The following RPRD2 variants were observed in gnomAD, a reference collection of about 807,000 sequenced individuals.
The protein encoded by RPRD2 is regulation of nuclear pre-mRNA domain containing 2.
A neutral mutation model predicts 104.4 loss-of-function variants in RPRD2; 12 were observed. The observed-to-expected ratio is 0.11, with a 90% CI of 0.07 to 0.19. The LOEUF (loss-of-function observed/expected upper bound fraction) is 0.19. RPRD2 is among the 10% of genes least tolerant of loss of function. RPRD2 has a pLI of 1.00. For synonymous variants in RPRD2, 714 were observed against 684.9 expected, an observed-to-expected ratio of 1.04 and a Z score of -0.66; for missense variants, 1,543 against 1,790.1, an observed-to-expected ratio of 0.86 and a Z score of 2.49.
intron 7 of RPRD2, among the ~76,000 whole-genome samples, chr1:150,446,832 T>TA (rs1666806368): frequency 1.8e-5 from 2 of 110,008 alleles, no homozygotes; most frequent in Non-Finnish European, 3.9e-5. Flanking sequence ...AAGACCTGGG[T>TA]CTTTTTTTTT....
At chr1:150,464,764 T>A in intron 10 of RPRD2, 37 bp downstream of exon 10, 1 of 1,504,200 alleles carries the variant, frequency 6.6e-7, no homozygotes, top group Non-Finnish European at 9.2e-7. Context: ...GAATTGTGAA[T>A]GTTTGTCTCT....
Position 150,472,896 on chromosome 1 carries a change from A to G in RPRD2, c.3948A>G (p.Gly1316=), listed in dbSNP as rs1398672997. The change falls in exon 11 of 11, where the codon GGA becomes GGG. Residue 1316 remains glycine, a synonymous_variant. Coordinates refer to ENST00000369068, the MANE Select transcript of RPRD2 (RefSeq NM_015203.5). The part of the protein sequence containing the change: ...PFPAPPLAEH[G]VAGAVAVFPK... Reference sequence around the variant, plus strand: ...CAGCCCCACCACTGGCAGAGCACGGAGTGGCAGGGGCTGTGGCAGTATTTC... The same window carrying G: ...CAGCCCCACCACTGGCAGAGCACGGGGTGGCAGGGGCTGTGGCAGTATTTC... 1 of 1,613,298 alleles carries G rather than the reference A, an allele frequency of 6.2e-7. No homozygotes were observed. The highest frequency in any genetic ancestry group is 8.5e-7 in the Non-Finnish European group (1 of 1,179,596).
chr1:150,392,842 G>GA (rs1229667913), intron 1 of RPRD2, among the ~76,000 whole-genome samples: 2 of 150,744 alleles, frequency 1.3e-5, no homozygotes, highest in Non-Finnish European at 1.5e-5. Context: ...ACCCTGTCTA[G>GA]AAAAAAAACA....
intron 6 of RPRD2, among the ~76,000 whole-genome samples, chr1:150,444,734 T>G (rs1348731674): frequency 6.6e-6 from 1 of 152,234 alleles, no homozygotes; most frequent in Non-Finnish European, 1.5e-5. Flanking sequence ...TTTATTATAA[T>G]GTAAGCCTCA....
chr1:150,427,839 T>A (rs191073044), intron 2 of RPRD2, among the ~76,000 whole-genome samples: 20 of 152,254 alleles, frequency 1.3e-4, no homozygotes, highest in African/African-American at 4.8e-4. Context: ...GGTATAACAC[T>A]TTCTGTATAG....
rs1661661325 is a variant in RPRD2 at position 150,387,566 on chromosome 1, C to CTTTTTTTTTTTTTTTTTTTT, written c.205+22647_205+22648insTTTTTTTTTTTTTTTTTTTT. Among the ~76,000 whole-genome samples the CTTTTTTTTTTTTTTTTTTTT allele has an allele frequency of 1.0e-4, 7 of 70,116 alleles. 1 individual carries two copies. Among genetic ancestry groups the CTTTTTTTTTTTTTTTTTTTT allele is most frequent in the Non-Finnish European group, 1.2e-4 (4 of 34,170 alleles). 46.0% of individuals were successfully genotyped at this position (70,116 alleles called of 152,430 possible). On this transcript the variant is annotated intron_variant, in intron 1 of 10. Transcript: ENST00000369068. ...TAAATCTTACAGAAGTTGCAACAGA[C>CTTTTTTTTTTTTTTTTTTTT]CTTTTTTTTTTTTTTTTTTTTTTTT...
At chr1:150,367,862 A>G (rs1659960077) in intron 1 of RPRD2, among the ~76,000 whole-genome samples, 1 of 152,058 alleles carries the variant, frequency 6.6e-6, no homozygotes, top group African/African-American at 2.4e-5. Flanking sequence ...AGCTGGGATT[A>G]CAGGCACGCA....
Position 150,472,155 on chromosome 1 carries a change from C to G in RPRD2, c.3207C>G (p.Ser1069=). 2 of 1,613,918 alleles carry G rather than the reference C, an allele frequency of 1.2e-6. No individual in the cohort carries two copies. The highest frequency in any genetic ancestry group is 1.6e-4 in the Middle Eastern group (1 of 6,062). The change falls in exon 11 of 11, where the codon TCC becomes TCG. Residue 1069 remains serine, a synonymous_variant. Coordinates refer to ENST00000369068, the MANE Select transcript of RPRD2 (RefSeq NM_015203.5). ...ACCGCATAGAAACCCGCGTCTCCTC[C>G]TCCTGCTTAGACTTGCCTGATAGCA... ...EHYRIETRVS[S]SCLDLPDSTE...
Position 150,472,480 on chromosome 1 carries a change from G to C in RPRD2, c.3532G>C (p.Val1178Leu), listed in dbSNP as rs777038616. 6.2e-7 allele frequency: 1 copy of C among 1,613,956 alleles called. No individual in the cohort carries two copies. The highest frequency in any genetic ancestry group is 1.1e-5 in the South Asian group (1 of 91,084). The part of the protein sequence containing the change: ...KERAPQFQES[V>L]GSFRSNSFNS... ...ACGGGCACCTCAATTTCAGGAGAGT[G>C]TCGGCAGCTTTCGTTCCAACAGTTT... is the stretch of plus-strand genomic sequence containing the variant. Residue 1178 changes from valine (V) to leucine (L), a missense_variant, in exon 11 of 11, where the codon GTC becomes CTC. By Grantham distance (32) the Val-to-Leu change is conservative. Transcript: ENST00000369068.
chr1:150,391,023 T>C (rs1468292484), intron 1 of RPRD2, among the ~76,000 whole-genome samples: 2 of 152,210 alleles, frequency 1.3e-5, no homozygotes, highest in Admixed American at 6.5e-5. Context: ...ATGGGTATTC[T>C]ATCCTCAGTA....
chr1:150,421,892 T>C (rs1664779199), intron 2 of RPRD2, among the ~76,000 whole-genome samples: 1 of 150,946 alleles, frequency 6.6e-6, no homozygotes, highest in Non-Finnish European at 1.5e-5. Context: ...CAGGAGGATC[T>C]CTTGAGTCCA....
At chr1:150,442,162 T>A (rs587614951) in intron 4 of RPRD2, among the ~76,000 whole-genome samples, 1 of 150,218 alleles carries the variant, frequency 6.7e-6, no homozygotes, top group Admixed American at 6.6e-5. Flanking sequence ...AACTACACTT[T>A]AAAACAAAGG....
intron 2 of RPRD2, among the ~76,000 whole-genome samples, chr1:150,425,815 A>G (rs1024849499): frequency 1.2e-4 from 18 of 151,848 alleles, no homozygotes; most frequent in Admixed American, 1.2e-3. Flanking sequence ...ACTGAACATT[A>G]AAAAGTAAGA....
intron 1 of RPRD2, 58 bp downstream of exon 1, chr1:150,364,977 C>A: frequency 6.4e-7 from 1 of 1,561,438 alleles, no homozygotes; most frequent in Non-Finnish European, 8.8e-7. Flanking sequence ...GAAGTGTGGC[C>A]TGAAACGCTT....
intron 2 of RPRD2, among the ~76,000 whole-genome samples, chr1:150,431,752 A>T (rs966276222): frequency 2.6e-5 from 4 of 152,042 alleles, no homozygotes; most frequent in Non-Finnish European, 4.4e-5. Context: ...AAGTGCTGGG[A>T]TTACAGGCGT....
chr1:150,435,859 T>G (rs1440368566), intron 2 of RPRD2, among the ~76,000 whole-genome samples: 2 of 152,222 alleles, frequency 1.3e-5, no homozygotes, highest in Non-Finnish European at 2.9e-5. Context: ...AGATGCCATG[T>G]AGGACTCTCA....
At chr1:150,462,920 C>T (rs1668032763) in intron 9 of RPRD2, among the ~76,000 whole-genome samples, 1 of 152,146 alleles carries the variant, frequency 6.6e-6, no homozygotes, top group Admixed American at 6.6e-5. Flanking sequence ...GGGGTGCAGT[C>T]ATGGCTCACT....
chr1:150,368,342 G>T (rs1460186618), intron 1 of RPRD2, among the ~76,000 whole-genome samples: 1 of 150,644 alleles, frequency 6.6e-6, no homozygotes, highest in Non-Finnish European at 1.5e-5. Context: ...GTCCAGTCTG[G>T]AGTGCGGTGG....
At chr1:150,410,627 A>G (rs1342611433) in intron 1 of RPRD2, among the ~76,000 whole-genome samples, 1 of 152,204 alleles carries the variant, frequency 6.6e-6, no homozygotes, top group East Asian at 1.9e-4. Context: ...TGCTCTCTCT[A>G]CAGGCACACA....
Sources: allele counts gnomAD v4.1 joint callset (sites outside exome capture counted in the v4.1 genomes callset), GRCh38; gene constraint gnomAD v4.1.1; transcripts MANE v1.5; gene names NCBI Gene and HGNC (gene_info 2026-07-23, HGNC 2026-07-21).